SLCO3A1: variants seen among roughly 807,000 people sequenced by gnomAD.
SLCO3A1 encodes the protein PGE1 transporter.
SLCO3A1 carries 27 observed loss-of-function variants against 63.1 expected under a neutral mutation model. The ratio of observed to expected loss-of-function variants is 0.43; its 90% CI spans 0.32 to 0.59. SLCO3A1 has a LOEUF of 0.59. Among genes scored for constraint, SLCO3A1 ranks in the 20% least tolerant of loss-of-function variants. SLCO3A1 has a pLI of 0.09. For missense variants in SLCO3A1, 773 were observed against 945.8 expected, an observed-to-expected ratio of 0.82 and a Z score of 2.40; for synonymous variants, 473 against 409.9, an observed-to-expected ratio of 1.15 and a Z score of -1.86.
intron 2 of SLCO3A1, among the ~76,000 whole-genome samples, chr15:91,917,537 C>A (rs992299321): frequency 3.9e-5 from 6 of 152,178 alleles, no homozygotes; most frequent in African/African-American, 1.2e-4. Flanking sequence ...GGATGTTGCA[C>A]GCGGATGTTC....
chr15:91,927,155 C>A (rs1419763939), intron 2 of SLCO3A1, among the ~76,000 whole-genome samples: 1 of 152,140 alleles, frequency 6.6e-6, no homozygotes, highest in Non-Finnish European at 1.5e-5. Context: ...GGAGACACCC[C>A]TCGGCCCTCC....
At chr15:91,965,423 A>C (rs183555912) in intron 2 of SLCO3A1, among the ~76,000 whole-genome samples, 1 of 152,340 alleles carries the variant, frequency 6.6e-6, no homozygotes, top group Non-Finnish European at 1.5e-5. Flanking sequence ...GACAGGTCCA[A>C]ATAAATATCC....
chr15:91,885,663 C>T lies in SLCO3A1; in HGVS notation c.181-30330C>T, dbSNP rs953934739. The stretch of plus-strand genomic sequence containing the variant: ...GTGCATCATTCTCTGTCCTTGATTT[C>T]ATTCACAGTAGACAGTTTTAGGTAG... On this transcript the variant is annotated intron_variant, in intron 1 of 9. Coordinates refer to ENST00000318445, the MANE Select transcript of SLCO3A1 (RefSeq NM_013272.4). This position sits in a 1 kb window ranked among gnomAD's most constrained non-coding sequence, Gnocchi z 4.7. Among the ~76,000 whole-genome samples the T allele has an allele frequency of 6.6e-6, 1 of 152,206 alleles. No homozygotes were observed. The highest frequency in any genetic ancestry group is 2.4e-5 in the African/African-American group (1 of 41,450).
chr15:92,093,857 G>A (rs940181217), intron 2 of SLCO3A1, among the ~76,000 whole-genome samples: 3 of 151,948 alleles, frequency 2.0e-5, no homozygotes, highest in Non-Finnish European at 2.9e-5. Flanking sequence ...CTGGGCTTAG[G>A]TTCCCAGCAA....
intron 2 of SLCO3A1, among the ~76,000 whole-genome samples, chr15:92,059,584 C>T (rs1597270958): frequency 1.3e-5 from 2 of 152,304 alleles, no homozygotes; most frequent in Non-Finnish European, 1.5e-5. Context: ...TCTGTGCCCC[C>T]GACCAGATGG....
rs1897707396 is a variant in SLCO3A1 at position 91,885,721 on chromosome 15, C to CTT, written c.181-30271_181-30270insTT. Among the ~76,000 whole-genome samples the CTT allele has an allele frequency of 2.0e-5, 3 of 152,358 alleles. No individual in the cohort carries two copies. In the South Asian group the frequency reaches 6.2e-4, roughly 32 times the overall value. ...CTGTGAGCAGACACATACATGCGGT[C>CTT]TGACAATTCAGATCCCTTCGCCTTC... On this transcript the variant is annotated intron_variant, in intron 1 of 9. Transcript: ENST00000318445. This position sits in a 1 kb window ranked among gnomAD's most constrained non-coding sequence, Gnocchi z 4.7.
intron 7 of SLCO3A1, among the ~76,000 whole-genome samples, chr15:92,137,295 A>C (rs2048071998): frequency 9.5e-6 from 1 of 104,748 alleles, no homozygotes; most frequent in Non-Finnish European, 1.8e-5. Context: ...CCTACAAAGG[A>C]CATGAACTCA....
intron 2 of SLCO3A1, among the ~76,000 whole-genome samples, chr15:91,958,976 TTA>T (rs1451370644): frequency 6.6e-6 from 1 of 152,186 alleles, no homozygotes. Flanking sequence ...ACACACATGT[TTA>T]TAGCAGCACA....
At chr15:92,039,168 G>T (rs182062723) in intron 2 of SLCO3A1, among the ~76,000 whole-genome samples, 2,277 of 152,220 alleles carry the variant, frequency 0.015, 54 homozygotes, top group African/African-American at 0.053. Context: ...ACATAGGCAT[G>T]GGCAAAGACT....
chr15:92,038,123 G>A (rs2151485230), intron 2 of SLCO3A1, among the ~76,000 whole-genome samples: 1 of 152,262 alleles, frequency 6.6e-6, no homozygotes, highest in African/African-American at 2.4e-5. Flanking sequence ...TTTCTCTAAG[G>A]AAGCAGTAGA....
rs376247519 is a variant in SLCO3A1 at position 91,970,746 on chromosome 15, G to A, written c.646+54288G>A. Among the ~76,000 whole-genome samples the A allele has an allele frequency of 1.5e-4, 23 of 152,282 alleles. 1 individual carries two copies. The South Asian group carries it at 4.8e-3, about 32-fold the overall frequency. On this transcript the variant is annotated intron_variant, in intron 2 of 9. Coordinates refer to ENST00000318445, the MANE Select transcript of SLCO3A1 (RefSeq NM_013272.4). The stretch of plus-strand genomic sequence containing the variant: ...CAGTGCCCTGCTTTGGTTAGACAGT[G>A]CCCATGTGAACATGAAGTTTTCCTT...
chr15:91,854,338 G>T lies in SLCO3A1; in HGVS notation c.180+250G>T. On this transcript the variant is annotated intron_variant, in intron 1 of 9. Transcript: ENST00000318445. This position sits in a 1 kb window ranked among gnomAD's most constrained non-coding sequence, Gnocchi z 6.4. ...CGCGCGTCCGGCTGGGGCAGGGGGT[G>T]CCGGGGGAGGAGAGGCGGCGGGCAG... 1 of 1,134,772 alleles carries T rather than the reference G, an allele frequency of 8.8e-7. No homozygotes were observed. The highest frequency in any genetic ancestry group is 1.1e-6 in the Non-Finnish European group (1 of 924,932). 70.3% of individuals were successfully genotyped at this position (1,134,772 alleles called of 1,614,324 possible).
chr15:92,088,524 G>C (rs1452270943), intron 2 of SLCO3A1, among the ~76,000 whole-genome samples: 2 of 152,176 alleles, frequency 1.3e-5, no homozygotes, highest in Non-Finnish European at 2.9e-5. Context: ...TGCAAACTTA[G>C]TGTAAAACAC....
At chr15:91,906,607 A>G (rs1440813586) in intron 1 of SLCO3A1, among the ~76,000 whole-genome samples, 2 of 152,208 alleles carry the variant, frequency 1.3e-5, no homozygotes, top group African/African-American at 4.8e-5. Flanking sequence ...CTCTGTCTTG[A>G]GAATATGTCT....
chr15:92,146,614 G>A (rs750397135), intron 7 of SLCO3A1, among the ~76,000 whole-genome samples: 1 of 152,150 alleles, frequency 6.6e-6, no homozygotes, highest in East Asian at 1.9e-4. Context: ...GCATAAAAGA[G>A]AGGACAAATT....
intron 7 of SLCO3A1, among the ~76,000 whole-genome samples, chr15:92,144,409 A>G (rs368042095): frequency 3.9e-5 from 6 of 152,160 alleles, no homozygotes; most frequent in Admixed American, 3.3e-4. Context: ...AAAAAGAGTA[A>G]CATTTGTTAT....
Position 92,071,048 on chromosome 15 carries a change from C to T in SLCO3A1, c.647-23833C>T, listed in dbSNP as rs2047209666. 2.0e-5 allele frequency among the ~76,000 whole-genome samples: 3 copies of T among 152,208 alleles called. No homozygotes were observed. In the South Asian group the frequency reaches 6.2e-4, roughly 32 times the overall value. On this transcript the variant is annotated intron_variant, in intron 2 of 9. Coordinates refer to ENST00000318445, the MANE Select transcript of SLCO3A1 (RefSeq NM_013272.4). ...CATATGAGAGGGAAAAAGAGAAAGC[C>T]AGGATTAAAGGGGCATAGCTCTTTT...
At position 91,877,990 on chromosome 15, in the gene SLCO3A1, C is replaced by T. The variant is rs143926120; in HGVS notation, c.180+23902C>T. On this transcript the variant is annotated intron_variant, in intron 1 of 9. Transcript: ENST00000318445. ...GGGCTTTCCTTAGGTGAGGCTGCAC[C>T]GGAACAGAGAGAACTGTGCTGACAA... is the stretch of plus-strand genomic sequence containing the variant. 1.1e-4 allele frequency among the ~76,000 whole-genome samples: 17 copies of T among 151,682 alleles called. No homozygotes were observed. The East Asian group carries it at 1.2e-3, about 10-fold the overall frequency.
rs147051838 is a variant in SLCO3A1 at position 92,037,639 on chromosome 15, G to C, written c.647-57242G>C. On this transcript the variant is annotated intron_variant, in intron 2 of 9. Coordinates refer to ENST00000318445, the MANE Select transcript of SLCO3A1 (RefSeq NM_013272.4). ...AACACCAGGTTTGCATTACTAAAAA[G>C]CATGCTTTCACTTTATCGTCATTCA... Among the ~76,000 whole-genome samples the C allele has an allele frequency of 1.3e-3, 193 of 152,292 alleles. 1 individual carries two copies. The highest frequency in any genetic ancestry group is 4.6e-3 in the African/African-American group (192 of 41,558).
Sources: allele counts gnomAD v4.1 joint callset (sites outside exome capture counted in the v4.1 genomes callset), GRCh38; gene constraint gnomAD v4.1.1; non-coding constraint Gnocchi (gnomAD v3.1); transcripts MANE v1.5; gene names NCBI Gene and HGNC (gene_info 2026-07-23, HGNC 2026-07-21).